SLC9A9: variants seen among roughly 807,000 people sequenced by gnomAD.
SLC9A9 encodes sodium/hydrogen exchanger 9.
Under a neutral mutation model 77.8 loss-of-function variants are expected in SLC9A9, and 62 were observed. The observed-to-expected ratio is 0.80, with a 90% CI of 0.65 to 0.98. The LOEUF (loss-of-function observed/expected upper bound fraction) is 0.98, where lower values mean the gene tolerates loss of function less well. SLC9A9 is among the 50% of genes least tolerant of loss of function. SLC9A9 has a pLI of 0.00. For synonymous variants in SLC9A9, 320 were observed against 283.5 expected (o/e 1.13, Z -1.29); for missense variants, 775 against 774.9 (o/e 1.00, Z 0.00).
intron 14 of SLC9A9, among the ~76,000 whole-genome samples, chr3:143,277,369 A>T (rs1046301363): frequency 1.3e-5 from 2 of 152,206 alleles, no homozygotes; most frequent in African/African-American, 4.8e-5. Flanking sequence ...CTTGAAGCTA[A>T]TATCCTTGGG....
intron 6 of SLC9A9, among the ~76,000 whole-genome samples, chr3:143,634,048 G>A (rs1215856675): frequency 6.6e-6 from 1 of 152,110 alleles, no homozygotes; most frequent in Non-Finnish European, 1.5e-5. Flanking sequence ...TCCATCTTCT[G>A]AAATTGAATG....
chr3:143,600,638 G>T (rs186718698), intron 6 of SLC9A9, among the ~76,000 whole-genome samples: 2 of 152,140 alleles, frequency 1.3e-5, no homozygotes, highest in Non-Finnish European at 2.9e-5. Flanking sequence ...CTCCCAAAAC[G>T]CAATAAATCA....
At chr3:143,322,247 C>T (rs1158222351) in intron 14 of SLC9A9, among the ~76,000 whole-genome samples, 2 of 152,164 alleles carry the variant, frequency 1.3e-5, no homozygotes, top group South Asian at 2.1e-4. Flanking sequence ...AATCAGTAGA[C>T]TGAGCAAAGC....
chr3:143,446,876 ATGTG>A (rs60912550), intron 12 of SLC9A9, among the ~76,000 whole-genome samples: 19,546 of 148,502 alleles, frequency 0.13, 1,446 homozygotes, highest in East Asian at 0.32. Flanking sequence ...GTAGGTGTGT[ATGTG>A]TGTGTGTGTG....
At chr3:143,771,114 A>G (rs553148213) in intron 4 of SLC9A9, among the ~76,000 whole-genome samples, 6 of 152,196 alleles carry the variant, frequency 3.9e-5, no homozygotes, top group Non-Finnish European at 5.9e-5. Flanking sequence ...CAAAGGTGAG[A>G]TTAAAAGGTT....
At chr3:143,322,800 C>G (rs117367321) in intron 14 of SLC9A9, among the ~76,000 whole-genome samples, 1 of 152,296 alleles carries the variant, frequency 6.6e-6, no homozygotes, top group East Asian at 1.9e-4. Flanking sequence ...GGTCTTCACA[C>G]AACTGTAATC....
At chr3:143,473,693 G>A (rs145864092) in intron 11 of SLC9A9, among the ~76,000 whole-genome samples, 121 of 152,302 alleles carry the variant, frequency 7.9e-4, no homozygotes, top group African/African-American at 2.9e-3. Context: ...AAATGAATCA[G>A]TACTTTAATG....
chr3:143,447,914 A>G (rs1457452959), intron 12 of SLC9A9, among the ~76,000 whole-genome samples: 2 of 152,176 alleles, frequency 1.3e-5, no homozygotes, highest in East Asian at 3.8e-4. Flanking sequence ...TCTATGTTCT[A>G]TTTCTGTCTC....
chr3:143,586,405 T>C (rs1440367587), intron 6 of SLC9A9, among the ~76,000 whole-genome samples: 1 of 152,188 alleles, frequency 6.6e-6, no homozygotes, highest in Non-Finnish European at 1.5e-5. Flanking sequence ...ATTCTGCTTT[T>C]AAAGACACAT....
intron 4 of SLC9A9, among the ~76,000 whole-genome samples, chr3:143,740,648 C>A (rs1401782001): frequency 1.3e-5 from 2 of 152,080 alleles, no homozygotes; most frequent in East Asian, 3.9e-4. Context: ...ATCATACCTC[C>A]CCATTGGGAA....
chr3:143,685,357 G>C (rs1352691001), intron 5 of SLC9A9, among the ~76,000 whole-genome samples: 1 of 151,974 alleles, frequency 6.6e-6, no homozygotes, highest in Non-Finnish European at 1.5e-5. Flanking sequence ...TATCTCGTAA[G>C]TATCATGTCG....
chr3:143,805,813 T>A (rs1392775307), intron 2 of SLC9A9, among the ~76,000 whole-genome samples: 3 of 152,156 alleles, frequency 2.0e-5, no homozygotes, highest in African/African-American at 4.8e-5. Flanking sequence ...CCCACCCCTA[T>A]CTCCCTTCGC....
At chr3:143,755,656 T>C (rs1360119584) in intron 4 of SLC9A9, among the ~76,000 whole-genome samples, 1 of 152,172 alleles carries the variant, frequency 6.6e-6, no homozygotes, top group African/African-American at 2.4e-5. Context: ...TATGGCAGGA[T>C]TGCTAAAAAG....
chr3:143,623,979 A>G (rs2038270719), intron 6 of SLC9A9, among the ~76,000 whole-genome samples: 1 of 152,236 alleles, frequency 6.6e-6, no homozygotes, highest in Non-Finnish European at 1.5e-5. Context: ...AGAGAATACT[A>G]TAAACACCTC....
chr3:143,666,131 C>T (rs2039062724), intron 5 of SLC9A9, among the ~76,000 whole-genome samples: 2 of 152,208 alleles, frequency 1.3e-5, no homozygotes, highest in African/African-American at 4.8e-5. Flanking sequence ...AAAAGCTTAT[C>T]CACCACGATC....
intron 12 of SLC9A9, among the ~76,000 whole-genome samples, chr3:143,397,797 G>T (rs1324626459): frequency 6.6e-6 from 1 of 152,118 alleles, no homozygotes; most frequent in Non-Finnish European, 1.5e-5. Context: ...TAATGGGAAT[G>T]CATTCTCTTG....
At chr3:143,472,636 C>T (rs2035397888) in intron 11 of SLC9A9, among the ~76,000 whole-genome samples, 1 of 152,154 alleles carries the variant, frequency 6.6e-6, no homozygotes, top group Non-Finnish European at 1.5e-5. Flanking sequence ...TATTACTGTA[C>T]CTTGCAATTG....
At chr3:143,574,494 C>A (rs1196931408) in intron 7 of SLC9A9, among the ~76,000 whole-genome samples, 1 of 152,144 alleles carries the variant, frequency 6.6e-6, no homozygotes, top group African/African-American at 2.4e-5. Context: ...CCTTGGGATG[C>A]ACCCCTCAGG....
chr3:143,521,622 C>A (rs1017422755), intron 9 of SLC9A9, among the ~76,000 whole-genome samples: 1 of 151,784 alleles, frequency 6.6e-6, no homozygotes, highest in African/African-American at 2.4e-5. Context: ...CATTTCCTGC[C>A]TTCTTTTGTA....
Sources: allele counts gnomAD v4.1 joint callset (sites outside exome capture counted in the v4.1 genomes callset), GRCh38; gene constraint gnomAD v4.1.1; transcripts MANE v1.5; gene names NCBI Gene and HGNC (gene_info 2026-07-23, HGNC 2026-07-21).